Variants in KIAA1328 observed in about 807,000 individuals in gnomAD.
KIAA1328 encodes KIAA1328.
In KIAA1328, 52 loss-of-function variants were observed where a neutral mutation model predicts 68.1. The ratio of observed to expected loss-of-function variants is 0.76; its 90% confidence interval spans 0.61 to 0.96. The LOEUF (loss-of-function observed/expected upper bound fraction) is 0.96, where lower values mean the gene tolerates loss of function less well. KIAA1328 is among the 40% of genes least tolerant of loss of function. The probability of loss-of-function intolerance (pLI) is 0.00; values close to 1 mark genes in which losing one functional copy is unlikely to be tolerated. For missense variants in KIAA1328, 641 were observed against 677.6 expected (o/e 0.95, Z 0.60); for synonymous variants, 232 against 239.4 (o/e 0.97, Z 0.28).
At chr18:37,173,447 G>C (rs548942308) in intron 9 of KIAA1328, among the ~76,000 whole-genome samples, 2 of 152,296 alleles carry the variant, frequency 1.3e-5, no homozygotes, top group East Asian at 3.9e-4. Flanking sequence ...AGTGGCTTTT[G>C]TACTAGTTAA....
intron 5 of KIAA1328, among the ~76,000 whole-genome samples, chr18:36,892,260 T>A (rs1222908632): frequency 6.6e-6 from 1 of 152,124 alleles, no homozygotes; most frequent in Non-Finnish European, 1.5e-5. Flanking sequence ...AAAAGGTCTC[T>A]CCTTTTTAAT....
rs565273261 is a variant in KIAA1328 at position 37,166,608 on chromosome 18, G to T, written c.1414+6227G>T. Among the ~76,000 whole-genome samples, 7 of 152,212 alleles carry T rather than the reference G, an allele frequency of 4.6e-5. No homozygotes were observed. The South Asian group carries it at 1.0e-3, about 23-fold the overall frequency. On this transcript the variant is annotated intron_variant, in intron 8 of 9. Transcript: ENST00000280020. ...GCCTGAGTTCCATGTTTTAGTATCT[G>T]CCCTCTGAGGAAGCAGAGCAGACCC...
chr18:37,175,348 A>G (rs186122995), intron 9 of KIAA1328, among the ~76,000 whole-genome samples: 1 of 152,334 alleles, frequency 6.6e-6, no homozygotes, highest in Non-Finnish European at 1.5e-5. Context: ...CATTTTTGGA[A>G]TGGATCATAT....
At chr18:37,180,437 C>T (rs1352737308) in intron 9 of KIAA1328, among the ~76,000 whole-genome samples, 1 of 152,116 alleles carries the variant, frequency 6.6e-6, no homozygotes, top group Non-Finnish European at 1.5e-5. Context: ...GACGTGTAAG[C>T]ACTGAGCTGA....
downstream of KIAA1328, among the ~76,000 whole-genome samples, chr18:37,226,863 G>T (rs1020204442): frequency 6.6e-6 from 1 of 151,786 alleles, no homozygotes; most frequent in South Asian, 2.1e-4. Context: ...CGCCTCCCGG[G>T]TTCAAGCAAT....
chr18:37,213,453 C>G (rs1032641096), intron 9 of KIAA1328, among the ~76,000 whole-genome samples: 1 of 152,154 alleles, frequency 6.6e-6, no homozygotes, highest in African/African-American at 2.4e-5. Flanking sequence ...CCAGCTTCAT[C>G]CATGTCCCTA....
intron 7 of KIAA1328, among the ~76,000 whole-genome samples, chr18:37,087,210 C>T (rs1411511359): frequency 1.3e-5 from 2 of 149,824 alleles, no homozygotes; most frequent in African/African-American, 2.5e-5. Context: ...AGGTGCATGC[C>T]ACTATACCCA....
intron 1 of KIAA1328, chr18:36,829,431 T>C: frequency 1.5e-6 from 2 of 1,321,504 alleles, no homozygotes; most frequent in South Asian, 2.1e-5. Flanking sequence ...TTCCCAGCGC[T>C]CACTACCGGT....
chr18:36,922,660 T>G (rs1438796656), intron 5 of KIAA1328, among the ~76,000 whole-genome samples: 1 of 152,202 alleles, frequency 6.6e-6, no homozygotes. Context: ...TATTTAGACC[T>G]GGACAGATAA....
At chr18:36,907,226 T>C (rs1403900227) in intron 5 of KIAA1328, among the ~76,000 whole-genome samples, 1 of 152,084 alleles carries the variant, frequency 6.6e-6, no homozygotes, top group African/African-American at 2.4e-5. Flanking sequence ...AATTGTGTTA[T>C]CTGTAAATAA....
At chr18:37,091,947 A>G (rs2057279260) in intron 7 of KIAA1328, among the ~76,000 whole-genome samples, 3 of 152,118 alleles carry the variant, frequency 2.0e-5, no homozygotes, top group Admixed American at 2.0e-4. Flanking sequence ...CTCCAACAGC[A>G]GGACCACAGA....
intron 4 of KIAA1328, among the ~76,000 whole-genome samples, chr18:36,869,098 G>A (rs1226222958): frequency 2.7e-5 from 4 of 149,982 alleles, no homozygotes; most frequent in African/African-American, 9.8e-5. Context: ...TTTTGTTTGG[G>A]GTCAAGGGAG....
chr18:37,214,569 G>A (rs1486420165), intron 9 of KIAA1328, among the ~76,000 whole-genome samples: 1 of 152,170 alleles, frequency 6.6e-6, no homozygotes, highest in Non-Finnish European at 1.5e-5. Context: ...AGTATAGTTT[G>A]AAGTCAGGTA....
intron 6 of KIAA1328, among the ~76,000 whole-genome samples, chr18:37,045,924 C>T (rs934155716): frequency 1.3e-5 from 2 of 152,154 alleles, no homozygotes; most frequent in African/African-American, 2.4e-5. Context: ...CACTGTTGCT[C>T]ATATCAGGTG....
Position 36,878,708 on chromosome 18 carries a change from G to A in KIAA1328, c.333-6849G>A, listed in dbSNP as rs182249458. On this transcript the variant is annotated intron_variant, in intron 4 of 9. Transcript: ENST00000280020. ...CCCATATTTCTTGGAGGCTTTGTTC[G>A]TTTCTTTTCATTCTTTTTTTCTCTA... Among the ~76,000 whole-genome samples, 528 of 151,980 alleles carry A rather than the reference G, an allele frequency of 3.5e-3. 1 individual carries two copies. Among genetic ancestry groups the A allele is most frequent in the Non-Finnish European group, 5.6e-3 (379 of 67,948 alleles).
At chr18:37,166,721 C>G (rs1321316954) in intron 8 of KIAA1328, among the ~76,000 whole-genome samples, 1 of 152,112 alleles carries the variant, frequency 6.6e-6, no homozygotes, top group Non-Finnish European at 1.5e-5. Context: ...TTTTGTCTGA[C>G]TAAACTTTCT....
intron 7 of KIAA1328, among the ~76,000 whole-genome samples, chr18:37,098,020 C>G (rs941428467): frequency 2.0e-4 from 31 of 152,154 alleles, no homozygotes; most frequent in Non-Finnish European, 4.0e-4. Flanking sequence ...CATCTGCAAA[C>G]AGGGACAATT....
At chr18:37,053,184 CATCTATA>C (rs1191394604) in intron 6 of KIAA1328, among the ~76,000 whole-genome samples, 2 of 152,096 alleles carry the variant, frequency 1.3e-5, no homozygotes, top group African/African-American at 4.8e-5. Flanking sequence ...TAAGGTAGCA[CATCTATA>C]ACCAACTTAT....
chr18:36,957,266 C>T (rs1287462121), intron 5 of KIAA1328, among the ~76,000 whole-genome samples: 1 of 152,076 alleles, frequency 6.6e-6, no homozygotes, highest in Non-Finnish European at 1.5e-5. Flanking sequence ...TCGTGATGAC[C>T]TATTGTAAAA....
Sources: allele counts gnomAD v4.1 joint callset (sites outside exome capture counted in the v4.1 genomes callset), GRCh38; gene constraint gnomAD v4.1.1; transcripts MANE v1.5; gene names NCBI Gene and HGNC (gene_info 2026-07-23, HGNC 2026-07-21).